Variants in RAD51B observed in about 807,000 individuals in gnomAD.
RAD51B encodes the protein RAD51 paralog B.
RAD51B carries 38 observed loss-of-function variants against 42.2 expected under a neutral mutation model. That is an observed-to-expected ratio of 0.90 (90% confidence interval 0.70 to 1.18). The LOEUF (loss-of-function observed/expected upper bound fraction) is 1.18, where lower values mean the gene tolerates loss of function less well. RAD51B is among the 50% of genes most tolerant of loss of function. RAD51B has a pLI of 0.00. For synonymous variants in RAD51B, 154 were observed against 145.2 expected (o/e 1.06, Z -0.43); for missense variants, 373 against 400.7 (o/e 0.93, Z 0.59).
chr14:68,564,912 T>TA (rs1017520495), intron 10 of RAD51B, among the ~76,000 whole-genome samples: 2 of 152,218 alleles, frequency 1.3e-5, no homozygotes, highest in Non-Finnish European at 2.9e-5. Context: ...GGCCCTGCCA[T>TA]CCACCCTAGT....
chr14:68,406,505 C>G (rs539540579), intron 8 of RAD51B, among the ~76,000 whole-genome samples: 6 of 152,244 alleles, frequency 3.9e-5, no homozygotes, highest in Non-Finnish European at 4.4e-5. Flanking sequence ...GTGTAGGGCA[C>G]TTACTATGAC....
chr14:68,247,915 G>A (rs556389457), intron 7 of RAD51B, among the ~76,000 whole-genome samples: 9 of 152,292 alleles, frequency 5.9e-5, no homozygotes, highest in Non-Finnish European at 1.2e-4. Flanking sequence ...GCTGCAAAGC[G>A]CTTTATAGTT....
intron 9 of RAD51B, among the ~76,000 whole-genome samples, chr14:68,438,742 C>T (rs954740070): frequency 3.3e-5 from 5 of 152,088 alleles, no homozygotes; most frequent in Non-Finnish European, 7.3e-5. Context: ...AGTTAAGAGA[C>T]GCCTTCTGCA....
intron 7 of RAD51B, among the ~76,000 whole-genome samples, chr14:68,170,774 T>C (rs2078856210): frequency 6.6e-6 from 1 of 152,240 alleles, no homozygotes; most frequent in Admixed American, 6.5e-5. Flanking sequence ...ATTCTAGATG[T>C]TGGACATTTA....
At chr14:68,326,721 A>AT (rs1301512460) in intron 8 of RAD51B, among the ~76,000 whole-genome samples, 1 of 152,142 alleles carries the variant, frequency 6.6e-6, no homozygotes, top group Non-Finnish European at 1.5e-5. Context: ...ACCTAATTAC[A>AT]TTTTTTTCAA....
intron 10 of RAD51B, among the ~76,000 whole-genome samples, chr14:68,586,287 T>C (rs762893470): frequency 2.6e-5 from 4 of 152,186 alleles, no homozygotes; most frequent in Non-Finnish European, 5.9e-5. Context: ...TCTTCTTCCA[T>C]GGTGCACACT....
chr14:68,637,286 C>T (rs745471667), intron 10 of RAD51B, among the ~76,000 whole-genome samples: 5 of 152,048 alleles, frequency 3.3e-5, no homozygotes, highest in Non-Finnish European at 5.9e-5. Context: ...GCTATGTTGT[C>T]CAGGCTGGTC....
At chr14:67,859,593 G>A (rs770606056) in intron 4 of RAD51B, among the ~76,000 whole-genome samples, 1 of 152,138 alleles carries the variant, frequency 6.6e-6, no homozygotes, top group African/African-American at 2.4e-5. Flanking sequence ...GAACATGTGG[G>A]ACAGGAAGTT....
chr14:67,901,091 T>A (rs973633403), intron 7 of RAD51B, among the ~76,000 whole-genome samples: 1 of 152,154 alleles, frequency 6.6e-6, no homozygotes, highest in Non-Finnish European at 1.5e-5. Flanking sequence ...AGGACTGAGT[T>A]CTGGGTCTTT....
rs147350742 is a variant in RAD51B at position 67,993,113 on chromosome 14, T to G, written c.756+105909T>G. 4.5e-3 allele frequency among the ~76,000 whole-genome samples: 680 copies of G among 152,298 alleles called. 2 individuals carry two copies. The highest frequency in any genetic ancestry group is 6.5e-3 in the Non-Finnish European group (441 of 68,024). On this transcript the variant is annotated intron_variant, in intron 7 of 10. Coordinates refer to ENST00000471583, the MANE Select transcript of RAD51B (RefSeq NM_133510.4). Reference sequence around the variant, plus strand: ...TTTTTGTTGGTACATAGTAGTTCTGTATATTTATAGAGTACATGAGATATT... The same window carrying G: ...TTTTTGTTGGTACATAGTAGTTCTGGATATTTATAGAGTACATGAGATATT...
intron 7 of RAD51B, among the ~76,000 whole-genome samples, chr14:68,264,790 C>CAG (rs565650389): frequency 2.0e-4 from 30 of 151,734 alleles, no homozygotes; most frequent in South Asian, 1.7e-3. Context: ...AAGTGGATGG[C>CAG]AGAGAGAGAG....
chr14:68,143,591 C>A (rs200241758), intron 7 of RAD51B, among the ~76,000 whole-genome samples: 10 of 152,172 alleles, frequency 6.6e-5, no homozygotes, highest in East Asian at 3.8e-4. Flanking sequence ...TTTTGAGCTC[C>A]CCCCATACCA....
At chr14:68,160,475 ACT>A (rs1237071434) in intron 7 of RAD51B, among the ~76,000 whole-genome samples, 2 of 151,986 alleles carry the variant, frequency 1.3e-5, no homozygotes, top group African/African-American at 2.4e-5. Flanking sequence ...TAGAAATCTT[ACT>A]CTGTTTTGCA....
intron 7 of RAD51B, among the ~76,000 whole-genome samples, chr14:68,251,923 T>C (rs1595608111): frequency 1.3e-5 from 2 of 152,364 alleles, no homozygotes; most frequent in South Asian, 2.1e-4. Context: ...ATCTCAGTCA[T>C]GCACATCAAG....
intron 7 of RAD51B, among the ~76,000 whole-genome samples, chr14:67,889,270 T>C (rs948291373): frequency 2.0e-5 from 3 of 151,396 alleles, no homozygotes; most frequent in Non-Finnish European, 4.4e-5. Flanking sequence ...GGAATTTTCC[T>C]AGCTAAATTG....
chr14:68,395,660 G>A (rs897907006), intron 8 of RAD51B, among the ~76,000 whole-genome samples: 8 of 152,090 alleles, frequency 5.3e-5, no homozygotes, highest in East Asian at 1.9e-4. Flanking sequence ...CTGGTACAGC[G>A]GATTCCTTTG....
At chr14:68,354,297 A>G (rs567281374) in intron 8 of RAD51B, among the ~76,000 whole-genome samples, 5 of 147,542 alleles carry the variant, frequency 3.4e-5, no homozygotes, top group African/African-American at 1.3e-4. Context: ...GCTCACGGCA[A>G]CCTTCACCTC....
intron 9 of RAD51B, among the ~76,000 whole-genome samples, chr14:68,462,903 C>G (rs978433789): frequency 1.3e-5 from 2 of 152,226 alleles, no homozygotes; most frequent in African/African-American, 4.8e-5. Context: ...TATCTACACT[C>G]ATTCTTGCTC....
At chr14:67,904,510 C>CTT (rs3043929) in intron 7 of RAD51B, among the ~76,000 whole-genome samples, 29 of 120,236 alleles carry the variant, frequency 2.4e-4, no homozygotes, top group East Asian at 4.4e-4. Flanking sequence ...GGAATGTTGA[C>CTT]TTTTTTTTTT....
Sources: allele counts gnomAD v4.1 joint callset (sites outside exome capture counted in the v4.1 genomes callset), GRCh38; gene constraint gnomAD v4.1.1; transcripts MANE v1.5; gene names NCBI Gene and HGNC (gene_info 2026-07-23, HGNC 2026-07-21).